The following NALF1 variants were observed in gnomAD, a reference collection of about 807,000 sequenced individuals.
NALF1 encodes the protein NALCN channel auxiliary factor 1.
In NALF1, 3 loss-of-function variants were observed where a neutral mutation model predicts 48.4. The observed-to-expected ratio is 0.06, with a 90% CI of 0.03 to 0.16. NALF1 has a LOEUF of 0.16. Ranked by LOEUF, NALF1 falls within the 10% of genes least tolerant of loss-of-function variation. NALF1 has a pLI of 1.00. For missense variants in NALF1, 526 were observed against 571.5 expected, an observed-to-expected ratio of 0.92 and a Z score of 0.81; for synonymous variants, 262 against 245.7, an observed-to-expected ratio of 1.07 and a Z score of -0.62.
chr13:107,680,391 T>A (rs1881255242), intron 1 of NALF1, among the ~76,000 whole-genome samples: 1 of 133,170 alleles, frequency 7.5e-6, no homozygotes, highest in South Asian at 2.6e-4. Flanking sequence ...TGCCGGCTCT[T>A]ACGTTCATAC....
intron 1 of NALF1, among the ~76,000 whole-genome samples, chr13:107,282,316 G>A (rs527921043): frequency 3.3e-5 from 5 of 152,326 alleles, no homozygotes; most frequent in Non-Finnish European, 7.3e-5. Flanking sequence ...ATGTTATCCA[G>A]AGAGCAAATC....
At chr13:107,691,941 T>C (rs970431299) in intron 1 of NALF1, among the ~76,000 whole-genome samples, 4 of 152,214 alleles carry the variant, frequency 2.6e-5, no homozygotes, top group African/African-American at 9.6e-5. Context: ...ACATATATCA[T>C]ATCTATTCTT....
chr13:107,262,463 C>T (rs572432921), intron 1 of NALF1, among the ~76,000 whole-genome samples: 7 of 152,012 alleles, frequency 4.6e-5, no homozygotes, highest in Non-Finnish European at 1.0e-4. Flanking sequence ...TTCTTTTGGA[C>T]GATGTTGGAC....
At chr13:107,512,006 A>C (rs1749963488) in intron 1 of NALF1, among the ~76,000 whole-genome samples, 1 of 152,226 alleles carries the variant, frequency 6.6e-6, no homozygotes, top group Admixed American at 6.5e-5. Context: ...AATGCCAAAT[A>C]TGTGTAATGT....
chr13:107,759,847 C>A (rs1329171876), intron 1 of NALF1, among the ~76,000 whole-genome samples: 4 of 151,764 alleles, frequency 2.6e-5, no homozygotes, highest in African/African-American at 9.7e-5. Flanking sequence ...CAAATGTTGT[C>A]CCCCCCATCC....
rs1172571428 is a variant in NALF1 at position 107,866,057 on chromosome 13, C to T, written c.540G>A (p.Gln180=). ...CGTCCGCATTCTCCACCGTGAAGCA[C>T]TGGCCCGAGGACGCGCCCTGGGGGT... The part of the protein sequence containing the change: ...TCYPQGASSG[Q]CFTVENADAV... Residue 180 remains glutamine, a synonymous_variant, in exon 1 of 3, where the codon CAG becomes CAA. Coordinates refer to ENST00000375915, the MANE Select transcript of NALF1 (RefSeq NM_001080396.3). This position sits in a 1 kb window ranked among gnomAD's most constrained non-coding sequence, Gnocchi z 4.4. The T allele has an allele frequency of 6.2e-7, 1 of 1,612,902 alleles. No individual in the cohort carries two copies. The highest frequency in any genetic ancestry group is 1.3e-5 in the African/African-American group (1 of 75,062).
chr13:107,601,748 C>T (rs1179456751), intron 1 of NALF1, among the ~76,000 whole-genome samples: 2 of 151,538 alleles, frequency 1.3e-5, no homozygotes, highest in African/African-American at 2.4e-5. Context: ...AAAACACACA[C>T]ACACACAATA....
At chr13:107,484,273 T>A (rs889730483) in intron 1 of NALF1, among the ~76,000 whole-genome samples, 6 of 152,198 alleles carry the variant, frequency 3.9e-5, no homozygotes, top group African/African-American at 1.2e-4. Flanking sequence ...GTATTCAATA[T>A]GAAATTGAAC....
chr13:107,338,273 G>A (rs563023657), intron 1 of NALF1, among the ~76,000 whole-genome samples: 2 of 152,194 alleles, frequency 1.3e-5, no homozygotes, highest in Non-Finnish European at 2.9e-5. Flanking sequence ...ACCCCTTTAT[G>A]TAAGAGGCTA....
chr13:107,489,844 G>A (rs1309888492), intron 1 of NALF1, among the ~76,000 whole-genome samples: 1 of 151,950 alleles, frequency 6.6e-6, no homozygotes, highest in Non-Finnish European at 1.5e-5. Context: ...CTATGCATCT[G>A]ACAAAGGTCT....
intron 1 of NALF1, among the ~76,000 whole-genome samples, chr13:107,817,837 A>G (rs561032730): frequency 8.8e-6 from 1 of 113,920 alleles, no homozygotes; most frequent in South Asian, 3.4e-4. Flanking sequence ...CATCCCTTGC[A>G]ATCTGGCTTC....
intron 1 of NALF1, among the ~76,000 whole-genome samples, chr13:107,440,396 G>A (rs1257935560): frequency 6.6e-6 from 1 of 152,138 alleles, no homozygotes; most frequent in African/African-American, 2.4e-5. Context: ...CATAGGTGGC[G>A]CGACGAAGCC....
chr13:107,253,965 T>C (rs750844407), intron 1 of NALF1, among the ~76,000 whole-genome samples: 1 of 152,004 alleles, frequency 6.6e-6, no homozygotes, highest in Non-Finnish European at 1.5e-5. Context: ...CCCATTAGAA[T>C]ATGAGCTTTA....
At chr13:107,236,728 TCTATCTATC>T (rs1738909940) in intron 1 of NALF1, among the ~76,000 whole-genome samples, 2 of 139,710 alleles carry the variant, frequency 1.4e-5, no homozygotes, top group South Asian at 4.5e-4. Flanking sequence ...TATCTATCTA[TCTATCTATC>T]ATCTACAGTC....
intron 1 of NALF1, among the ~76,000 whole-genome samples, chr13:107,392,979 T>G (rs1883652054): frequency 6.6e-6 from 1 of 151,984 alleles, no homozygotes; most frequent in Admixed American, 6.6e-5. Context: ...TGGTCTCAGG[T>G]GGGGCATGGG....
chr13:107,798,795 C>T (rs944390270), intron 1 of NALF1, among the ~76,000 whole-genome samples: 1 of 152,320 alleles, frequency 6.6e-6, no homozygotes, highest in East Asian at 1.9e-4. Context: ...ACTTTGAATA[C>T]AGTCTGTAGT....
At chr13:107,568,620 CTATT>C (rs1877886728) in intron 1 of NALF1, among the ~76,000 whole-genome samples, 1 of 152,072 alleles carries the variant, frequency 6.6e-6, no homozygotes, top group Non-Finnish European at 1.5e-5. Flanking sequence ...AATGTTATTC[CTATT>C]TATTATTTTA....
intron 1 of NALF1, among the ~76,000 whole-genome samples, chr13:107,551,963 T>A (rs578046755): frequency 6.6e-6 from 1 of 152,152 alleles, no homozygotes; most frequent in East Asian, 1.9e-4. Context: ...TATAAGAAAA[T>A]AGCCTCTAAT....
chr13:107,682,354 C>G (rs776360587), intron 1 of NALF1, among the ~76,000 whole-genome samples: 1 of 152,174 alleles, frequency 6.6e-6, no homozygotes, highest in Non-Finnish European at 1.5e-5. Flanking sequence ...TTGGGACTCA[C>G]GGCCCACCCT....
Sources: gnomAD v4.1 joint callset for allele counts (sites outside exome capture counted in the v4.1 genomes callset) on GRCh38, gnomAD v4.1.1 for gene constraint, Gnocchi (gnomAD v3.1) non-coding constraint, MANE v1.5 for transcripts, NCBI Gene and HGNC (gene_info 2026-07-23, HGNC 2026-07-21) for gene names.